Variants in CA10 observed in about 807,000 individuals in gnomAD.
CA10 encodes the protein carbonic anhydrase-related protein 10.
CA10 carries 14 observed loss-of-function variants against 44.2 expected under a neutral mutation model. That is an observed-to-expected ratio of 0.32 (90% CI 0.21 to 0.50). The LOEUF (loss-of-function observed/expected upper bound fraction) is 0.50. CA10 is among the 20% of genes least tolerant of loss of function. CA10 has a pLI of 0.99. For synonymous variants in CA10, 159 were observed against 141.6 expected (o/e 1.12, Z -0.87); for missense variants, 350 against 409.7 (o/e 0.85, Z 1.26).
intron 2 of CA10, among the ~76,000 whole-genome samples, chr17:52,018,567 A>G (rs1271414726): frequency 6.6e-6 from 1 of 151,984 alleles, no homozygotes; most frequent in Admixed American, 6.6e-5. Context: ...ATGTTTACTC[A>G]ATGCCTGTAC....
chr17:51,868,505 AT>A (rs1412385132), intron 3 of CA10, among the ~76,000 whole-genome samples: 4 of 152,114 alleles, frequency 2.6e-5, no homozygotes, highest in African/African-American at 9.7e-5. Context: ...AACTGACCTT[AT>A]TTTACACTAC....
intron 4 of CA10, among the ~76,000 whole-genome samples, chr17:51,691,938 A>T (rs1279834007): frequency 6.6e-6 from 1 of 152,166 alleles, no homozygotes; most frequent in Non-Finnish European, 1.5e-5. Flanking sequence ...GATACTTAAA[A>T]CATGGCTCTT....
At chr17:51,972,975 T>C (rs1389288892) in intron 2 of CA10, among the ~76,000 whole-genome samples, 1 of 152,146 alleles carries the variant, frequency 6.6e-6, no homozygotes, top group Non-Finnish European at 1.5e-5. Flanking sequence ...TCAAATTGAT[T>C]AGGAAATGCT....
chr17:51,880,757 A>T (rs1027142280), intron 3 of CA10, among the ~76,000 whole-genome samples: 1 of 152,190 alleles, frequency 6.6e-6, no homozygotes, highest in Non-Finnish European at 1.5e-5. Context: ...GTAATAAAAA[A>T]AAATAAGTAA....
intron 4 of CA10, among the ~76,000 whole-genome samples, chr17:51,667,544 T>C (rs905911690): frequency 1.3e-5 from 2 of 149,502 alleles, no homozygotes; most frequent in East Asian, 4.0e-4. Context: ...TAGCTCCTTG[T>C]GCTACATATT....
chr17:51,767,481 A>G (rs981224226), intron 3 of CA10, among the ~76,000 whole-genome samples: 5 of 152,192 alleles, frequency 3.3e-5, no homozygotes, highest in Non-Finnish European at 5.9e-5. Flanking sequence ...TACATTTGTT[A>G]CAACTAATAA....
At chr17:52,026,823 A>G (rs900620941) in intron 2 of CA10, among the ~76,000 whole-genome samples, 2 of 152,018 alleles carry the variant, frequency 1.3e-5, no homozygotes, top group South Asian at 2.1e-4. Context: ...GGGAACTACA[A>G]TTCAATAGGA....
intron 3 of CA10, among the ~76,000 whole-genome samples, chr17:51,869,295 C>T (rs569376828): frequency 6.6e-5 from 10 of 152,174 alleles, no homozygotes; most frequent in Admixed American, 3.9e-4. Flanking sequence ...GGAAAAGACC[C>T]CAATGTCATG....
chr17:51,643,300 T>A (rs1913174866), intron 6 of CA10, among the ~76,000 whole-genome samples: 1 of 152,320 alleles, frequency 6.6e-6, no homozygotes, highest in Non-Finnish European at 1.5e-5. Context: ...AATGGAGGGA[T>A]ATTAGCCTTA....
chr17:51,871,626 C>T (rs1259555597), intron 3 of CA10, among the ~76,000 whole-genome samples: 1 of 150,974 alleles, frequency 6.6e-6, no homozygotes, highest in Non-Finnish European at 1.5e-5. Context: ...CTCAGGTGAT[C>T]CACCTGCCTC....
Position 51,759,528 on chromosome 17 carries a change from T to C in CA10, c.280-11710A>G, listed in dbSNP as rs149127372. Among the ~76,000 whole-genome samples, 901 of 150,580 alleles carry C rather than the reference T, an allele frequency of 6.0e-3. 5 individuals are homozygous for C. The highest frequency in any genetic ancestry group is 0.021 in the African/African-American group (846 of 41,256). ...TTTGGTAAGGATAATATAGGCATGA[T>C]TGGATGTCTATTTACCAGTCTTGAT... On this transcript the variant is annotated intron_variant, in intron 3 of 8. Coordinates refer to ENST00000451037, the MANE Select transcript of CA10 (RefSeq NM_020178.5).
chr17:51,849,034 AGACT>A (rs893442441), intron 3 of CA10, among the ~76,000 whole-genome samples: 51 of 151,320 alleles, frequency 3.4e-4, no homozygotes, highest in African/African-American at 1.0e-3. Flanking sequence ...TGACAGAATG[AGACT>A]GACTGACTGT....
At chr17:51,887,569 G>T (rs538227691) in intron 3 of CA10, among the ~76,000 whole-genome samples, 9 of 152,304 alleles carry the variant, frequency 5.9e-5, no homozygotes, top group African/African-American at 2.2e-4. Flanking sequence ...TTGGTTCAGC[G>T]AATCTGGGTA....
chr17:51,897,158 G>A (rs1389777525), intron 3 of CA10, among the ~76,000 whole-genome samples: 1 of 152,080 alleles, frequency 6.6e-6, no homozygotes, highest in African/African-American at 2.4e-5. Context: ...CCTATGTCCA[G>A]AATGGTATTT....
At chr17:51,691,088 T>C (rs185056830) in intron 4 of CA10, among the ~76,000 whole-genome samples, 2 of 152,352 alleles carry the variant, frequency 1.3e-5, no homozygotes, top group East Asian at 3.9e-4. Flanking sequence ...TTTGGGCATA[T>C]ATACAGTACA....
chr17:51,995,357 A>T (rs1985195892), intron 2 of CA10, among the ~76,000 whole-genome samples: 5 of 151,944 alleles, frequency 3.3e-5, no homozygotes, highest in Admixed American at 3.3e-4. Context: ...CAAATAAGTT[A>T]AAAAAATAGG....
chr17:52,088,654 C>T (rs1272511060), intron 1 of CA10, among the ~76,000 whole-genome samples: 1 of 152,148 alleles, frequency 6.6e-6, no homozygotes. Flanking sequence ...GTTAATCTTT[C>T]AAGGAACAAA....
chr17:51,986,813 C>T (rs762468155), intron 2 of CA10, among the ~76,000 whole-genome samples: 4 of 151,838 alleles, frequency 2.6e-5, no homozygotes, highest in Non-Finnish European at 1.5e-5. Flanking sequence ...TGCAATACCA[C>T]CTTACTCCTG....
At chr17:52,051,512 T>C (rs1223446416) in intron 2 of CA10, among the ~76,000 whole-genome samples, 3 of 148,822 alleles carry the variant, frequency 2.0e-5, no homozygotes. Flanking sequence ...AGAAGACATA[T>C]ATGCAGCCAA....
Sources: gnomAD v4.1 joint callset for allele counts (sites outside exome capture counted in the v4.1 genomes callset) on GRCh38, gnomAD v4.1.1 for gene constraint, MANE v1.5 for transcripts, NCBI Gene and HGNC (gene_info 2026-07-23, HGNC 2026-07-21) for gene names.